The following PRPF39 variants were observed in gnomAD, a reference collection of about 807,000 sequenced individuals.
PRPF39 encodes the protein pre-mRNA processing factor 39.
In PRPF39, 27 loss-of-function variants were observed where a neutral mutation model predicts 82.1. The ratio of observed to expected loss-of-function variants is 0.33; its 90% confidence interval spans 0.24 to 0.45. The LOEUF is 0.45. Among genes scored for constraint, PRPF39 ranks in the 20% least tolerant of loss-of-function variants. The pLI, the probability that PRPF39 is intolerant of heterozygous loss-of-function variation, is 1.00. For missense variants in PRPF39, 581 were observed against 796.9 expected (o/e 0.73, Z 3.26); for synonymous variants, 261 against 256.4 (o/e 1.02, Z -0.17).
chr14:45,100,201 G>A lies in PRPF39; in HGVS notation c.570-2328G>A, dbSNP rs146613258. ...GCTGAGATCGTGACATTGCACTCCA[G>A]CCTGGGTGACAGAGCGAGACCCTGT... On this transcript the variant is annotated intron_variant, in intron 4 of 13. Transcript: ENST00000355765. 3.5e-3 allele frequency among the ~76,000 whole-genome samples: 540 copies of A among 152,222 alleles called. 3 individuals carry two copies. Among genetic ancestry groups the A allele is most frequent in the African/African-American group, 0.012 (485 of 41,528 alleles).
At chr14:45,089,478 C>G (rs1473734250) in intron 1 of PRPF39, among the ~76,000 whole-genome samples, 1 of 151,964 alleles carries the variant, frequency 6.6e-6, no homozygotes, top group Admixed American at 6.6e-5. Context: ...TGATTTCTTT[C>G]TTTTTTTTGA....
chr14:45,098,885 C>G (rs1365372203), intron 4 of PRPF39, among the ~76,000 whole-genome samples: 1 of 152,100 alleles, frequency 6.6e-6, no homozygotes, highest in East Asian at 1.9e-4. Context: ...AAGAGTGTGT[C>G]CTATAACTTC....
chr14:45,111,444 C>T lies in PRPF39; in HGVS notation c.1572+627C>T, dbSNP rs1884692655. On this transcript the variant is annotated intron_variant, in intron 10 of 13. Coordinates refer to ENST00000355765, the MANE Select transcript of PRPF39 (RefSeq NM_017922.4). ...CTGCCTCCTGGGTTCAAGTGATTCT[C>T]CAGCCTCAGCCTCCCGAGTAGCTGG... is the stretch of plus-strand genomic sequence containing the variant. 2.6e-5 allele frequency among the ~76,000 whole-genome samples: 4 copies of T among 151,874 alleles called. 1 individual carries two copies. The South Asian group carries it at 8.3e-4, about 32-fold the overall frequency.
intron 5 of PRPF39, 84 bp from the exon 6 acceptor site, chr14:45,107,367 T>C: frequency 9.6e-7 from 1 of 1,038,128 alleles, no homozygotes; most frequent in East Asian, 2.8e-5. Flanking sequence ...TCAAATCCTT[T>C]GAAAGAGTAG....
intron 5 of PRPF39, among the ~76,000 whole-genome samples, chr14:45,102,929 T>C (rs374502427): frequency 1.3e-5 from 2 of 152,218 alleles, no homozygotes; most frequent in South Asian, 2.1e-4. Flanking sequence ...TTCATTTTAA[T>C]GGATAAAGAG....
In PRPF39 at chr14:45,110,246, A is replaced by G. The variant is rs777468005; in HGVS notation, c.1303+26A>G. 12 of 1,610,786 alleles carry G rather than the reference A, an allele frequency of 7.4e-6. No individual in the cohort carries two copies. The East Asian group carries it at 2.2e-4, about 30-fold the overall frequency. ...GTAAGAGTGGAGAAATTCAGTTGAC[A>G]TTTTTGAGATTTTAAGTTATTTCAG... On this transcript the variant is annotated intron_variant, in intron 9 of 13. Transcript: ENST00000355765. This position sits in a 1 kb window ranked among gnomAD's most constrained non-coding sequence, Gnocchi z 4.0.
chr14:45,102,074 T>C (rs1884393371), intron 4 of PRPF39, among the ~76,000 whole-genome samples: 1 of 152,170 alleles, frequency 6.6e-6, no homozygotes, highest in African/African-American at 2.4e-5. Context: ...CCCTAAGTGC[T>C]GCGATTACAG....
chr14:45,101,773 G>A (rs1288346192), intron 4 of PRPF39, among the ~76,000 whole-genome samples: 1 of 151,534 alleles, frequency 6.6e-6, no homozygotes, highest in Non-Finnish European at 1.5e-5. Flanking sequence ...TTTTAGAATT[G>A]AGAGGGGCTT....
At chr14:45,100,519 A>C (rs1288412186) in intron 4 of PRPF39, among the ~76,000 whole-genome samples, 1 of 152,228 alleles carries the variant, frequency 6.6e-6, no homozygotes, top group African/African-American at 2.4e-5. Flanking sequence ...CGATTCATTA[A>C]GTATACCTTC....
At chr14:45,104,590 G>A (rs79780705) in intron 5 of PRPF39, among the ~76,000 whole-genome samples, 3,396 of 152,192 alleles carry the variant, frequency 0.022, 140 homozygotes, top group African/African-American at 0.077. Flanking sequence ...AGAGGAGGAG[G>A]CGTGTGTTAA....
chr14:45,088,550 T>C (rs115835733), intron 1 of PRPF39, among the ~76,000 whole-genome samples: 3,166 of 152,246 alleles, frequency 0.021, 117 homozygotes, highest in African/African-American at 0.072. Context: ...AGAGTTTTGG[T>C]GTTAGGATGA....
At chr14:45,109,552 T>G in intron 7 of PRPF39, 64 bp from the exon 8 acceptor site, 4 of 1,361,996 alleles carry the variant, frequency 2.9e-6, no homozygotes, top group Non-Finnish European at 4.0e-6. Context: ...GTATTAACAC[T>G]GTACATGTGC....
chr14:45,103,969 TA>T lies in PRPF39; in HGVS notation c.737+1275del, dbSNP rs539904073. Among the ~76,000 whole-genome samples the T allele has an allele frequency of 1.2e-3, 183 of 152,278 alleles. 1 individual carries two copies. Among genetic ancestry groups the T allele is most frequent in the African/African-American group, 4.2e-3 (176 of 41,558 alleles). On this transcript the variant is annotated intron_variant, in intron 5 of 13. Coordinates refer to ENST00000355765, the MANE Select transcript of PRPF39 (RefSeq NM_017922.4). ...CCCAGACACTGTGCTGAGTGCTTTG[TA>T]ACTCACTTAATCCTCCCAGTAACCC...
At chr14:45,096,730 C>T (rs774763521) in intron 3 of PRPF39, 157 bp from the exon 4 acceptor site, 3 of 1,530,914 alleles carry the variant, frequency 2.0e-6, no homozygotes, top group Non-Finnish European at 2.6e-6. Flanking sequence ...CAGAACATTG[C>T]CATGTTCTAT....
chr14:45,106,030 T>C (rs900570669), intron 5 of PRPF39, among the ~76,000 whole-genome samples: 3 of 152,046 alleles, frequency 2.0e-5, no homozygotes, highest in African/African-American at 7.2e-5. Flanking sequence ...ATGTAGTGGT[T>C]GACAGTACCA....
chr14:45,104,917 C>T (rs1035399723), intron 5 of PRPF39, among the ~76,000 whole-genome samples: 6 of 152,172 alleles, frequency 3.9e-5, no homozygotes, highest in African/African-American at 1.4e-4. Flanking sequence ...AGTTTTGTGT[C>T]TTCTCTGTGA....
intron 10 of PRPF39, among the ~76,000 whole-genome samples, chr14:45,111,657 T>TTTTTA (rs1207621064): frequency 2.0e-5 from 3 of 146,422 alleles, no homozygotes; most frequent in African/African-American, 7.6e-5. Flanking sequence ...TTTTTTTTTT[T>TTTTTA]TGAGACAGAG....
At position 45,109,613 on chromosome 14, in the gene PRPF39, C is replaced by A; in HGVS notation, c.1012-3C>A. The A allele has an allele frequency of 1.3e-6, 2 of 1,596,630 alleles. No individual in the cohort carries two copies. The highest frequency in any genetic ancestry group is 1.1e-5 in the South Asian group (1 of 88,830). On this transcript the variant is annotated splice_polypyrimidine_tract_variant and splice_region_variant and intron_variant, in intron 7 of 13. Transcript: ENST00000355765. ...TCATTGGCATGTTACAATTTCATTT[C>A]AGATTAAAAGACCTTACTTTCATGT...
intron 11 of PRPF39, among the ~76,000 whole-genome samples, chr14:45,113,212 G>T (rs953719229): frequency 2.0e-5 from 3 of 152,164 alleles, no homozygotes; most frequent in Non-Finnish European, 4.4e-5. Context: ...GTATATGTGT[G>T]TATATATTTT....
Sources: gnomAD v4.1 joint callset for allele counts (sites outside exome capture counted in the v4.1 genomes callset) on GRCh38, gnomAD v4.1.1 for gene constraint, Gnocchi (gnomAD v3.1) non-coding constraint, MANE v1.5 for transcripts, NCBI Gene and HGNC (gene_info 2026-07-23, HGNC 2026-07-21) for gene names.